The following CTNNAL1 variants were observed in gnomAD, a reference collection of about 807,000 sequenced individuals.
CTNNAL1 encodes alpha-catulin.
In CTNNAL1, 69 loss-of-function variants were observed where a neutral mutation model predicts 93.6. The ratio of observed to expected loss-of-function variants is 0.74; its 90% CI spans 0.61 to 0.90. The LOEUF (loss-of-function observed/expected upper bound fraction) is 0.90. CTNNAL1 is among the 40% of genes least tolerant of loss of function. The pLI is 0.00. For missense variants in CTNNAL1, 836 were observed against 862.0 expected (o/e 0.97, Z 0.38); for synonymous variants, 286 against 305.4 (o/e 0.94, Z 0.66).
At position 109,013,381 on chromosome 9, in the gene CTNNAL1, G is replaced by A. The variant is rs1452888084; in HGVS notation, c.62C>T (p.Ser21Phe). ...GGAGAVYGSG[S>F]SGFALDSGLE... ...TCCCGAGTCGAGGGCGAAGCCCGAA[G>A]AGCCGGAGCCGTAGACTGCTCCGGC... The change falls in exon 1 of 19, where the codon TCT (serine) becomes TTT (phenylalanine). Residue 21 changes from serine to phenylalanine, a missense_variant. Physicochemically the swap from Ser to Phe is radical, Grantham distance 155. Coordinates refer to ENST00000325551, the MANE Select transcript of CTNNAL1 (RefSeq NM_003798.4). 2 of 1,512,940 alleles carry A rather than the reference G, an allele frequency of 1.3e-6. No individual in the cohort carries two copies. Among genetic ancestry groups the A allele is most frequent in the Non-Finnish European group, 8.8e-7 (1 of 1,130,744 alleles). The allele number at this position is 1,512,940 out of a possible 1,614,324, so 93.7% of individuals were successfully genotyped here. A position where few individuals can be genotyped will look rare whatever the true frequency, so the allele number is the denominator to read the frequency against.
intron 3 of CTNNAL1, chr9:108,991,900 A>G: frequency 1.6e-6 from 1 of 618,686 alleles, no homozygotes; most frequent in Non-Finnish European, 2.9e-6. Flanking sequence ...ATGGAGCATG[A>G]CCATCATCTG....
In CTNNAL1 at chr9:108,966,710, T is replaced by C. The variant is rs1201964079; in HGVS notation, c.1441-1182A>G. Among the ~76,000 whole-genome samples the C allele has an allele frequency of 3.5e-5, 5 of 143,540 alleles. No homozygotes were observed. The Admixed American group carries it at 3.6e-4, about 10-fold the overall frequency. The allele number at this position is 143,540 out of a possible 152,430, so 94.2% of individuals were successfully genotyped here. A position where few individuals can be genotyped will look rare whatever the true frequency, so the allele number is the denominator to read the frequency against. ...TGGCATTTGGGGTTTTATTTAGTGT[T>C]AGCTACTACATGAATGAATTAATGA... On this transcript the variant is annotated intron_variant, in intron 10 of 18. Coordinates refer to ENST00000325551, the MANE Select transcript of CTNNAL1 (RefSeq NM_003798.4).
intron 9 of CTNNAL1, among the ~76,000 whole-genome samples, chr9:108,971,312 T>C (rs1831110990): frequency 1.3e-5 from 2 of 152,208 alleles, no homozygotes. Context: ...AGCTAGATGG[T>C]TCATATCTGT....
At chr9:108,970,244 T>C (rs1831071519) in intron 10 of CTNNAL1, among the ~76,000 whole-genome samples, 158 bp downstream of exon 10, 1 of 152,232 alleles carries the variant, frequency 6.6e-6, no homozygotes, top group Non-Finnish European at 1.5e-5. Flanking sequence ...AGGTTAGCCA[T>C]GTTCTGGCAC....
chr9:108,973,704 G>A (rs1348865335), intron 8 of CTNNAL1, among the ~76,000 whole-genome samples: 1 of 146,478 alleles, frequency 6.8e-6, no homozygotes, highest in Non-Finnish European at 1.5e-5. Context: ...TTAATGATGT[G>A]ACAGGTTATT....
chr9:108,950,697 C>G (rs567400544), intron 14 of CTNNAL1: 9 of 1,434,678 alleles, frequency 6.3e-6, no homozygotes, highest in Non-Finnish European at 5.6e-6. Flanking sequence ...CTCATCTTTT[C>G]AGTCTTTCTG....
At chr9:108,972,977 T>G (rs1191579001) in intron 8 of CTNNAL1, 144 bp from the exon 9 acceptor site, 7 of 967,280 alleles carry the variant, frequency 7.2e-6, no homozygotes, top group Non-Finnish European at 1.0e-5. Context: ...CGCAAAGCAG[T>G]TCCATGGGTT....
In CTNNAL1 at chr9:108,991,936, GT is replaced by G. The variant is rs1432574826; in HGVS notation, c.519+695del. The G allele has an allele frequency of 3.3e-4, 218 of 659,600 alleles. 1 individual carries two copies. The East Asian group carries it at 6.1e-3, about 19-fold the overall frequency. 40.9% of individuals were successfully genotyped at this position (659,600 alleles called of 1,614,324 possible). A position where few individuals can be genotyped will look rare whatever the true frequency, so the allele number is the denominator to read the frequency against. Reference sequence around the variant, plus strand: ...AGAGATTAACTTCTGGACTGGAAGAGTTTAAATCTGTTCTGTAAGTTTTGAG... The same window carrying G: ...AGAGATTAACTTCTGGACTGGAAGAGTTAAATCTGTTCTGTAAGTTTTGAG... On this transcript the variant is annotated intron_variant, in intron 3 of 18. Coordinates refer to ENST00000325551, the MANE Select transcript of CTNNAL1 (RefSeq NM_003798.4).
chr9:108,997,111 A>C (rs1242834524), intron 2 of CTNNAL1, among the ~76,000 whole-genome samples: 43 of 152,232 alleles, frequency 2.8e-4, no homozygotes, highest in Non-Finnish European at 4.4e-5. Flanking sequence ...TAAATTATGA[A>C]TAGAATAAGG....
In CTNNAL1 at chr9:108,952,358, T is replaced by C. The variant is rs988268393; in HGVS notation, c.1686A>G (p.Gln562=). 25 of 1,614,052 alleles carry C rather than the reference T, an allele frequency of 1.5e-5. No homozygotes were observed. The highest frequency in any genetic ancestry group is 1.9e-5 in the Non-Finnish European group (23 of 1,180,034). Residue 562 remains glutamine (Q), a synonymous_variant, in exon 14 of 19, where the codon CAA becomes CAG. Coordinates refer to ENST00000325551, the MANE Select transcript of CTNNAL1 (RefSeq NM_003798.4). ...LKPDKPDSEE[Q]AKIAKLGLKL... is the part of the protein sequence containing the mutation. Reference sequence around the variant, plus strand: ...TAAGTCCAAGCTTTGCTATCTTGGCTTGCTCCTATGAAACAGACGTTTTAA... The same window carrying C: ...TAAGTCCAAGCTTTGCTATCTTGGCCTGCTCCTATGAAACAGACGTTTTAA...
intron 11 of CTNNAL1, among the ~76,000 whole-genome samples, chr9:108,958,447 TG>T: frequency 6.6e-6 from 1 of 152,342 alleles, no homozygotes; most frequent in South Asian, 2.1e-4. Context: ...CTAATCCCTC[TG>T]GTCCTCTTAC....
intron 12 of CTNNAL1, among the ~76,000 whole-genome samples, chr9:108,952,943 T>C (rs1434264356): frequency 4.6e-5 from 7 of 152,240 alleles, no homozygotes; most frequent in Non-Finnish European, 8.8e-5. Context: ...ACATTCCTTA[T>C]GTTATGACTC....
At chr9:108,960,065 C>T (rs1830785755) in intron 11 of CTNNAL1, among the ~76,000 whole-genome samples, 1 of 152,094 alleles carries the variant, frequency 6.6e-6, no homozygotes, top group African/African-American at 2.4e-5. Context: ...TTATAATTAG[C>T]TATCTTTAGT....
In CTNNAL1 at chr9:108,943,685, T is replaced by C; in HGVS notation, c.2055+18A>G. The C allele has an allele frequency of 6.3e-7, 1 of 1,596,040 alleles. No homozygotes were observed. Among genetic ancestry groups the C allele is most frequent in the Non-Finnish European group, 8.5e-7 (1 of 1,173,140 alleles). ...GATAAAGATAGATGTGTGAAAGTTT[T>C]TCATATGTCTCTTTTACCTTTAGAA... On this transcript the variant is annotated intron_variant, in intron 17 of 18. Coordinates refer to ENST00000325551, the MANE Select transcript of CTNNAL1 (RefSeq NM_003798.4).
intron 15 of CTNNAL1, 104 bp downstream of exon 15, chr9:108,948,082 G>A (rs1229065108): frequency 7.8e-6 from 10 of 1,288,960 alleles, no homozygotes; most frequent in South Asian, 1.3e-5. Flanking sequence ...GGTAGGTACA[G>A]ATGTAAGCAT....
chr9:108,972,859 G>A, intron 8 of CTNNAL1, 26 bp from the exon 9 acceptor site: 6 of 371,024 alleles, frequency 1.6e-5, no homozygotes, highest in Non-Finnish European at 3.1e-5. Context: ...TGGGTGGGGG[G>A]GTGGGAGGGT....
chr9:108,995,069 C>T (rs753208858), intron 2 of CTNNAL1, among the ~76,000 whole-genome samples: 5 of 152,160 alleles, frequency 3.3e-5, no homozygotes, highest in Non-Finnish European at 7.3e-5. Flanking sequence ...GAAGCCACTC[C>T]CTGATTGGTG....
intron 6 of CTNNAL1, among the ~76,000 whole-genome samples, chr9:108,981,761 T>C (rs1188919633): frequency 6.6e-6 from 1 of 151,800 alleles, no homozygotes; most frequent in Non-Finnish European, 1.5e-5. Flanking sequence ...CCCATCTCTA[T>C]TAAAAGTACA....
intron 11 of CTNNAL1, 130 bp from the exon 12 acceptor site, chr9:108,955,957 C>T (rs978005498): frequency 1.8e-6 from 1 of 543,512 alleles, no homozygotes; most frequent in Admixed American, 4.0e-5. Flanking sequence ...ACAGTCTATT[C>T]ATTACATAAA....
Sources: gnomAD v4.1 joint callset for allele counts (sites outside exome capture counted in the v4.1 genomes callset) on GRCh38, gnomAD v4.1.1 for gene constraint, MANE v1.5 for transcripts, NCBI Gene and HGNC (gene_info 2026-07-23, HGNC 2026-07-21) for gene names.